The following ODC1 variants were observed in gnomAD, a reference collection of about 807,000 sequenced individuals.
The protein encoded by ODC1 is ornithine decarboxylase.
A neutral mutation model predicts 41.5 loss-of-function variants in ODC1; 18 were observed. The ratio of observed to expected loss-of-function variants is 0.43; its 90% CI spans 0.30 to 0.64. The LOEUF is 0.64. Ranked by LOEUF, ODC1 falls within the 30% of genes least tolerant of loss-of-function variation. The probability of loss-of-function intolerance (pLI) is 0.11; values close to 1 mark genes in which losing one functional copy is unlikely to be tolerated. For missense variants in ODC1, 504 were observed against 589.0 expected (o/e 0.86, Z 1.49); for synonymous variants, 218 against 211.6 (o/e 1.03, Z -0.26).
At position 10,448,319 on chromosome 2, in the gene ODC1, G is replaced by T. The variant is rs1484237029; in HGVS notation, c.-326C>A. Reference sequence around the variant, plus strand: ...GGCGGCGGCGGCGGCGGCTACAGGAGGGACTGACAAAGCCCCACGGCACGC... The same window carrying T: ...GGCGGCGGCGGCGGCGGCTACAGGATGGACTGACAAAGCCCCACGGCACGC... On this transcript the variant is annotated 5_prime_UTR_variant, in exon 1 of 12. Coordinates refer to ENST00000234111, the MANE Select transcript of ODC1 (RefSeq NM_002539.3). The T allele has an allele frequency of 3.4e-5, 9 of 265,426 alleles. No homozygotes were observed. In the East Asian group the frequency reaches 5.5e-4, roughly 16 times the overall value. 16.4% of individuals were successfully genotyped at this position (265,426 alleles called of 1,614,324 possible). A position where few individuals can be genotyped will look rare whatever the true frequency, so the allele number is the denominator to read the frequency against.
At position 10,441,701 on chromosome 2, in the gene ODC1, T is replaced by C. The variant is rs1176027862; in HGVS notation, c.1049A>G (p.Tyr350Cys). 1 of 1,614,080 alleles carries C rather than the reference T, an allele frequency of 6.2e-7. No individual in the cohort carries two copies. The highest frequency in any genetic ancestry group is 1.3e-5 in the African/African-American group (1 of 74,916). Residue 350 changes from tyrosine to cysteine, a missense_variant, in exon 11 of 12, where the codon TAT (tyrosine) becomes TGT (cysteine). Physicochemically the swap from Tyr to Cys is radical, Grantham distance 194. Transcript: ENST00000234111. ...TGGTCCCCATATGCTGGATGAATAA[T>C]ACTTCTCATCTGGTTTAGGTCTCTA... ...LQKRPKPDEKYYSSSIWGPTC... is the reference protein window; with the variant it reads ...LQKRPKPDEKCYSSSIWGPTC...
Position 10,444,212 on chromosome 2 carries a change from G to T in ODC1, c.332C>A (p.Ala111Glu). Residue 111 changes from alanine (A) to glutamate (E), a missense_variant, in exon 5 of 12, where the codon GCA becomes GAA. By Grantham distance (107) the Ala-to-Glu change is moderately radical. Transcript: ENST00000234111. ...LGVPPERIIYANPCKQVSQIK... is the reference protein window; with the variant it reads ...LGVPPERIIYENPCKQVSQIK... ...TTGAGATACTTGTTTACAAGGATTT[G>T]CATAGATAATCCTCTCTGGAGGCAC... The T allele has an allele frequency of 6.2e-7, 1 of 1,612,328 alleles. No individual in the cohort carries two copies.
rs781750577 is a variant in ODC1, at chr2:10,443,797, G to C, written c.489C>G (p.Val163=). ...LRIATDDSKA[V]CRLSVKFGAT... ...CACCGAATTTCACACTGAGACGACA[G>C]ACTGCTTTGGAATCATCAGTGGCAA... The change falls in exon 6 of 12, where the codon GTC becomes GTG. Residue 163 remains valine, a synonymous_variant. Coordinates refer to ENST00000234111, the MANE Select transcript of ODC1 (RefSeq NM_002539.3). The C allele has an allele frequency of 1.2e-6, 2 of 1,614,190 alleles. No individual in the cohort carries two copies. The highest frequency in any genetic ancestry group is 1.7e-6 in the Non-Finnish European group (2 of 1,180,028).
Position 10,445,150 on chromosome 2 carries a change from CT to C in ODC1, c.-18+4del, listed in dbSNP as rs1671969863. ...CTGCAACATAAATGTAAACTGAATACTTACATGGAAAACTAAGAGATGGAAT... is the reference window on the plus strand; with the variant it reads ...CTGCAACATAAATGTAAACTGAATACTACATGGAAAACTAAGAGATGGAAT... On this transcript the variant is annotated splice_donor_region_variant and intron_variant, in intron 2 of 11. Coordinates refer to ENST00000234111, the MANE Select transcript of ODC1 (RefSeq NM_002539.3). The C allele has an allele frequency of 3.1e-6, 2 of 637,556 alleles. No homozygotes were observed. The highest frequency in any genetic ancestry group is 5.5e-5 in the Admixed American group (2 of 36,072). 39.5% of individuals were successfully genotyped at this position (637,556 alleles called of 1,614,324 possible). A position where few individuals can be genotyped will look rare whatever the true frequency, so the allele number is the denominator to read the frequency against.
rs754386326 is a variant in ODC1, at chr2:10,442,000, C to T, written c.913+12G>A. 2 of 1,613,376 alleles carry T rather than the reference C, an allele frequency of 1.2e-6. No individual in the cohort carries two copies. The highest frequency in any genetic ancestry group is 4.5e-5 in the East Asian group (2 of 44,880). ...TCAGTTATACATGAAGTGATTCGTC[C>T]TTTATACATACCATCAGAGCCCGTC... On this transcript the variant is annotated intron_variant, in intron 9 of 11. Coordinates refer to ENST00000234111, the MANE Select transcript of ODC1 (RefSeq NM_002539.3).
intron 4 of ODC1, 57 bp from the exon 5 acceptor site, chr2:10,444,324 C>G (rs963030684): frequency 1.3e-6 from 2 of 1,526,988 alleles, no homozygotes; most frequent in African/African-American, 2.8e-5. Flanking sequence ...GTGGAATAAA[C>G]AGAAAAGCAT....
chr2:10,447,021 TAATA>T (rs1172790746), intron 1 of ODC1, among the ~76,000 whole-genome samples: 4 of 152,238 alleles, frequency 2.6e-5, no homozygotes, highest in Non-Finnish European at 4.4e-5. Flanking sequence ...TACAATTTAA[TAATA>T]AATAGGCTCA....
intron 1 of ODC1, chr2:10,446,753 C>A: frequency 2.1e-6 from 1 of 470,854 alleles, no homozygotes; most frequent in Non-Finnish European, 4.2e-6. Flanking sequence ...CCTACGGGCA[C>A]AGAGGCCAGG....
In ODC1 at chr2:10,443,656, A is replaced by C. The variant is rs765448504; in HGVS notation, c.584+46T>G. ...CACTAGGAGAAAGCCTGTAAAACTC[A>C]AACTGTTCAATGTCTTGACCTCTAG... On this transcript the variant is annotated intron_variant, in intron 6 of 11. Transcript: ENST00000234111. The C allele has an allele frequency of 4.4e-6, 7 of 1,607,888 alleles. No individual in the cohort carries two copies. In the East Asian group the frequency reaches 1.3e-4, roughly 31 times the overall value.
rs954909824 is a variant in ODC1, at chr2:10,440,334, G to A, written c.*390C>T. On this transcript the variant is annotated 3_prime_UTR_variant, in exon 12 of 12. Coordinates refer to ENST00000234111, the MANE Select transcript of ODC1 (RefSeq NM_002539.3). ...CTCTGAGAATCAGAGCGAGCTATAC[G>A]GGATTCGTGAACTGTCTGGAATGAA... 5 of 165,938 alleles carry A rather than the reference G, an allele frequency of 3.0e-5. No individual in the cohort carries two copies. Among genetic ancestry groups the A allele is most frequent in the Admixed American group, 6.1e-5 (1 of 16,506 alleles). 10.3% of individuals were successfully genotyped at this position (165,938 alleles called of 1,614,324 possible).
intron 1 of ODC1, chr2:10,447,752 G>A (rs1249223160): frequency 2.0e-5 from 3 of 152,148 alleles, no homozygotes; most frequent in East Asian, 1.9e-4. Flanking sequence ...CGGGCTCTGC[G>A]CCCCTGCACC....
rs182814014 is a variant in ODC1 at position 10,444,837 on chromosome 2, T to A, written c.102+94A>T. On this transcript the variant is annotated intron_variant, in intron 3 of 11. Transcript: ENST00000234111. ...AATTTCTACATTCCATAACAAGACA[T>A]GTAAGCCTCATTGCTCTTCCTTAGA... 19 of 941,584 alleles carry A rather than the reference T, an allele frequency of 2.0e-5. No individual in the cohort carries two copies. In the East Asian group the frequency reaches 4.7e-4, roughly 23 times the overall value. The allele number at this position is 941,584 out of a possible 1,614,324, so 58.3% of individuals were successfully genotyped here. A position where few individuals can be genotyped will look rare whatever the true frequency, so the allele number is the denominator to read the frequency against.
intron 11 of ODC1, among the ~76,000 whole-genome samples, 184 bp downstream of exon 11, chr2:10,441,325 A>G (rs946245367): frequency 6.6e-6 from 1 of 152,348 alleles, no homozygotes; most frequent in Admixed American, 6.5e-5. Flanking sequence ...ACATGGCATG[A>G]ACTTAAATAT....
intron 5 of ODC1, 67 bp downstream of exon 5, chr2:10,444,022 ATTTAAG>A (rs1379149339): frequency 1.3e-6 from 2 of 1,500,800 alleles, no homozygotes; most frequent in African/African-American, 1.4e-5. Flanking sequence ...ATAATCAGAA[ATTTAAG>A]TTTGTTTGAT....
At position 10,440,481 on chromosome 2, in the gene ODC1, C is replaced by T; in HGVS notation, c.*243G>A. 2.6e-6 allele frequency: 1 copy of T among 378,100 alleles called. No homozygotes were observed. Among genetic ancestry groups the T allele is most frequent in the Non-Finnish European group, 4.8e-6 (1 of 209,868 alleles). 23.4% of individuals were successfully genotyped at this position (378,100 alleles called of 1,614,324 possible). ...CAAGCTACAAATGCTTGTTCAGCAG[C>T]TGAGGGGCACTCTTGAGTAGCGTGT... On this transcript the variant is annotated 3_prime_UTR_variant, in exon 12 of 12. Transcript: ENST00000234111.
At chr2:10,441,092 A>AG (rs1671805222) in intron 11 of ODC1, among the ~76,000 whole-genome samples, 1 of 152,094 alleles carries the variant, frequency 6.6e-6, no homozygotes, top group African/African-American at 2.4e-5. Context: ...AGCTGGGACT[A>AG]CAGGCGCCCA....
chr2:10,442,982 G>A (rs1671881712), intron 8 of ODC1, among the ~76,000 whole-genome samples: 1 of 152,156 alleles, frequency 6.6e-6, no homozygotes, highest in East Asian at 1.9e-4. Flanking sequence ...CCAAGTGCTG[G>A]ATTACAGGTG....
At chr2:10,442,211 A>G (rs376565027) in intron 8 of ODC1, 37 bp from the exon 9 acceptor site, 4 of 1,561,064 alleles carry the variant, frequency 2.6e-6, no homozygotes, top group Non-Finnish European at 3.5e-6. Flanking sequence ...AGCAGCCTTC[A>G]TTGTGGGAAA....
At chr2:10,443,922 T>TA in intron 5 of ODC1, 86 bp from the exon 6 acceptor site, 1 of 1,564,400 alleles carries the variant, frequency 6.4e-7, no homozygotes, top group Non-Finnish European at 8.7e-7. Context: ...CTGTTCTAAA[T>TA]ACTGTCGCTG....
Sources: gnomAD v4.1 joint callset for allele counts (sites outside exome capture counted in the v4.1 genomes callset) on GRCh38, gnomAD v4.1.1 for gene constraint, MANE v1.5 for transcripts, NCBI Gene and HGNC (gene_info 2026-07-23, HGNC 2026-07-21) for gene names.